SYT2: variants seen among roughly 807,000 people sequenced by gnomAD.
SYT2 encodes the protein synaptotagmin-2.
SYT2 carries 15 observed loss-of-function variants against 39.9 expected under a neutral mutation model. That is an observed-to-expected ratio of 0.38 (90% CI 0.25 to 0.58). SYT2 has a LOEUF of 0.58. Ranked by LOEUF, SYT2 falls within the 20% of genes least tolerant of loss-of-function variation. The pLI is 0.70. For synonymous variants in SYT2, 181 were observed against 204.5 expected, an observed-to-expected ratio of 0.89 and a Z score of 0.98; for missense variants, 389 against 530.3, an observed-to-expected ratio of 0.73 and a Z score of 2.62.
intron 1 of SYT2, among the ~76,000 whole-genome samples, chr1:202,607,270 G>T (rs906665993): frequency 3.3e-5 from 5 of 152,160 alleles, no homozygotes; most frequent in Non-Finnish European, 7.3e-5. Context: ...TTTGTTGACT[G>T]GGCTCCTCTG....
intron 1 of SYT2, among the ~76,000 whole-genome samples, chr1:202,648,677 G>T (rs1692136456): frequency 6.6e-6 from 1 of 152,172 alleles, no homozygotes; most frequent in Non-Finnish European, 1.5e-5. Flanking sequence ...GCATCCACTG[G>T]GCTACCTGGG....
chr1:202,643,638 G>T (rs1691998536), intron 1 of SYT2, among the ~76,000 whole-genome samples: 1 of 151,132 alleles, frequency 6.6e-6, no homozygotes, highest in Non-Finnish European at 1.5e-5. Context: ...CTGCCTCCGC[G>T]CGCCCACGCC....
chr1:202,669,897 G>A (rs1027068572), intron 1 of SYT2, among the ~76,000 whole-genome samples: 4 of 152,094 alleles, frequency 2.6e-5, no homozygotes, highest in South Asian at 4.1e-4. Flanking sequence ...GGGCATAACC[G>A]AGGCACTGTC....
chr1:202,660,119 G>A (rs1692350230), intron 1 of SYT2, among the ~76,000 whole-genome samples: 1 of 152,198 alleles, frequency 6.6e-6, no homozygotes, highest in African/African-American at 2.4e-5. Context: ...CTGGGGTCAG[G>A]ACAAGGGGCT....
At chr1:202,665,723 C>T (rs976345514) in intron 1 of SYT2, among the ~76,000 whole-genome samples, 1 of 152,204 alleles carries the variant, frequency 6.6e-6, no homozygotes, top group African/African-American at 2.4e-5. Flanking sequence ...TTCTCTCCCT[C>T]CCCCGCATCT....
chr1:202,688,068 C>T (rs1653718514), intron 1 of SYT2, among the ~76,000 whole-genome samples: 1 of 152,184 alleles, frequency 6.6e-6, no homozygotes, highest in African/African-American at 2.4e-5. Context: ...AGGAAGAGAG[C>T]AGAGACCCCA....
At chr1:202,598,860 A>T (rs1012063032) in intron 8 of SYT2, among the ~76,000 whole-genome samples, 1 of 152,140 alleles carries the variant, frequency 6.6e-6, no homozygotes, top group Non-Finnish European at 1.5e-5. Context: ...CCAAGACAGG[A>T]TGTGGCTGGA....
intron 1 of SYT2, among the ~76,000 whole-genome samples, chr1:202,650,996 G>A (rs959290040): frequency 7.9e-5 from 12 of 152,156 alleles, no homozygotes; most frequent in African/African-American, 2.9e-4. Flanking sequence ...GCCGGGAGTG[G>A]GGTGGGAGGG....
At chr1:202,676,809 G>C (rs1037147855) in intron 1 of SYT2, among the ~76,000 whole-genome samples, 1 of 152,170 alleles carries the variant, frequency 6.6e-6, no homozygotes, top group African/African-American at 2.4e-5. Flanking sequence ...ATAAAATACT[G>C]TTTATGTAAA....
intron 1 of SYT2, among the ~76,000 whole-genome samples, chr1:202,654,345 T>G (rs1236898533): frequency 6.6e-6 from 1 of 152,172 alleles, no homozygotes; most frequent in Admixed American, 6.5e-5. Context: ...GCAGACCCAC[T>G]TTCTGAGCCT....
intron 3 of SYT2, 149 bp from the exon 4 acceptor site, chr1:202,603,267 G>T: frequency 8.9e-7 from 1 of 1,127,608 alleles, no homozygotes; most frequent in Non-Finnish European, 1.2e-6. Flanking sequence ...ACGTGGCCCT[G>T]CCATGGGACC....
intron 1 of SYT2, chr1:202,632,084 G>A (rs887645111): frequency 8.9e-5 from 88 of 985,378 alleles, no homozygotes; most frequent in Non-Finnish European, 8.3e-5. Flanking sequence ...TAAGAGGGGA[G>A]AAACAAGACA....
intron 1 of SYT2, among the ~76,000 whole-genome samples, chr1:202,709,872 G>C (rs1654351095): frequency 2.0e-5 from 3 of 152,184 alleles, no homozygotes; most frequent in Admixed American, 6.5e-5. Flanking sequence ...AGGGCTGGCG[G>C]GGGCTGGGCT....
At chr1:202,694,527 C>T (rs1653923861) in intron 1 of SYT2, among the ~76,000 whole-genome samples, 1 of 151,592 alleles carries the variant, frequency 6.6e-6, no homozygotes, top group Admixed American at 6.6e-5. Context: ...GCAGGCTTGA[C>T]TATCATAACT....
At chr1:202,622,256 G>C (rs1313166908) in intron 1 of SYT2, among the ~76,000 whole-genome samples, 1 of 152,204 alleles carries the variant, frequency 6.6e-6, no homozygotes, top group East Asian at 1.9e-4. Flanking sequence ...GGTCCTAGGA[G>C]GCTGAGGATA....
intron 1 of SYT2, among the ~76,000 whole-genome samples, chr1:202,608,058 T>C (rs1690765764): frequency 6.6e-6 from 1 of 152,164 alleles, no homozygotes; most frequent in Non-Finnish European, 1.5e-5. Context: ...TCACTCTCCA[T>C]TCCCATCCTC....
At chr1:202,644,402 C>T (rs895815619) in intron 1 of SYT2, among the ~76,000 whole-genome samples, 5 of 152,172 alleles carry the variant, frequency 3.3e-5, no homozygotes, top group Non-Finnish European at 7.4e-5. Flanking sequence ...GCAGGGAGGA[C>T]CGAGAGCCTG....
chr1:202,683,214 A>G (rs993008038), intron 1 of SYT2, among the ~76,000 whole-genome samples: 1 of 152,242 alleles, frequency 6.6e-6, no homozygotes, highest in Admixed American at 6.5e-5. Flanking sequence ...CCCGTGACCT[A>G]GCTAGAGAAA....
intron 1 of SYT2, among the ~76,000 whole-genome samples, chr1:202,688,777 A>C (rs1056699988): frequency 6.6e-6 from 1 of 152,222 alleles, no homozygotes; most frequent in African/African-American, 2.4e-5. Context: ...GGTTGAGGGC[A>C]CTGGCCCATC....
Sources: gnomAD v4.1 joint callset for allele counts (sites outside exome capture counted in the v4.1 genomes callset) on GRCh38, gnomAD v4.1.1 for gene constraint, MANE v1.5 for transcripts, NCBI Gene and HGNC (gene_info 2026-07-23, HGNC 2026-07-21) for gene names.